The following SEPTIN4 variants were observed in gnomAD, a reference collection of about 807,000 sequenced individuals.
The protein encoded by SEPTIN4 is septin 4.
SEPTIN4 carries 52 observed loss-of-function variants against 107.1 expected under a neutral mutation model. The ratio of observed to expected loss-of-function variants is 0.49; its 90% CI spans 0.39 to 0.61. The LOEUF (loss-of-function observed/expected upper bound fraction) is 0.61. Among genes scored for constraint, SEPTIN4 ranks in the 20% least tolerant of loss-of-function variants. The pLI is 0.00. For synonymous variants in SEPTIN4, 417 were observed against 467.0 expected (o/e 0.89, Z 1.38); for missense variants, 1,048 against 1,243.5 (o/e 0.84, Z 2.36).
intron 3 of SEPTIN4, among the ~76,000 whole-genome samples, chr17:58,540,381 G>C (rs2043844431): frequency 6.6e-6 from 1 of 152,226 alleles, no homozygotes; most frequent in African/African-American, 2.4e-5. Context: ...AAAGGTCTCT[G>C]TTCTTTCTCG....
At chr17:58,540,790 AC>A in intron 2 of SEPTIN4, 117 bp from the exon 3 acceptor site, 1 of 1,112,482 alleles carries the variant, frequency 9.0e-7, no homozygotes. Flanking sequence ...ACTTGGGCAA[AC>A]CTGGCCCAAT....
chr17:58,528,012 T>C, intron 3 of SEPTIN4: 1 of 985,492 alleles, frequency 1.0e-6, no homozygotes, highest in Non-Finnish European at 1.2e-6. Context: ...CTCCTCTCCT[T>C]TGGGGGTCAG....
Position 58,521,306 on chromosome 17 carries a change from C to T in SEPTIN4, c.2616G>A (p.Glu872=). The T allele has an allele frequency of 3.1e-6, 5 of 1,614,216 alleles. No homozygotes were observed. The highest frequency in any genetic ancestry group is 4.2e-6 in the Non-Finnish European group (5 of 1,180,042). ...FAVIGSNTVV[E]ARGRRVRGRL... ...GACCCCGAACTCGCCGCCCTCTGGC[C>T]TCTACTACAGTGTTGCTGCCAATTA... is the stretch of plus-strand genomic sequence containing the variant. Residue 872 remains glutamate, a synonymous_variant, in exon 11 of 14, where the codon GAG becomes GAA. Transcript: ENST00000672673. The surrounding 1 kb of genome is among the most constrained non-coding windows in gnomAD (Gnocchi z 6.4).
intron 13 of SEPTIN4, 52 bp from the exon 14 acceptor site, chr17:58,520,537 T>G (rs760038892): frequency 5.0e-6 from 8 of 1,604,464 alleles, no homozygotes; most frequent in Middle Eastern, 1.8e-4. Context: ...TCCTTTAGTA[T>G]TGGGAAAGTG....
In SEPTIN4 at chr17:58,542,723, T is replaced by C. The variant is rs1567978867; in HGVS notation, c.1464A>G (p.Pro488=). Residue 488 remains proline, a synonymous_variant, in exon 1 of 14, where the codon CCA becomes CCG. Coordinates refer to ENST00000672673, the MANE Select transcript of SEPTIN4 (RefSeq NM_001368771.2). ...EKASLSPPSP[P]KEFPSWAPLS... is the part of the protein sequence containing the mutation. ...GTGGTGCCCAACTTGGAAACTCCTT[T>C]GGTGGTGATGGTGGTGATAGGCTTG... 2.5e-6 allele frequency: 4 copies of C among 1,613,998 alleles called. No homozygotes were observed. The highest frequency in any genetic ancestry group is 3.4e-6 in the Non-Finnish European group (4 of 1,179,994).
chr17:58,539,003 G>A (rs560457187), intron 3 of SEPTIN4: 50 of 599,340 alleles, frequency 8.3e-5, no homozygotes, highest in Non-Finnish European at 1.2e-4. Context: ...GCACCACAGC[G>A]TCTCCATCCT....
At chr17:58,541,870 C>G (rs1411711166) in intron 2 of SEPTIN4, 52 bp downstream of exon 2, 2 of 1,614,058 alleles carry the variant, frequency 1.2e-6, no homozygotes, top group Non-Finnish European at 1.7e-6. Flanking sequence ...CTCACCTGTC[C>G]TCCCATCCCC....
intron 6 of SEPTIN4, 55 bp downstream of exon 6, chr17:58,525,640 G>C (rs1431178408): frequency 9.4e-6 from 14 of 1,494,508 alleles, no homozygotes; most frequent in Non-Finnish European, 1.3e-5. Context: ...CCAGACTCTG[G>C]AGTGAGTTTA....
Position 58,528,092 on chromosome 17 carries a change from A to T in SEPTIN4, c.1615-1114T>A, listed in dbSNP as rs1243875796. 3 of 958,880 alleles carry T rather than the reference A, an allele frequency of 3.1e-6. No homozygotes were observed. The African/African-American group carries it at 5.3e-5, about 17-fold the overall frequency. 59.4% of individuals were successfully genotyped at this position (958,880 alleles called of 1,614,324 possible). On this transcript the variant is annotated intron_variant, in intron 3 of 13. Transcript: ENST00000672673. ...CACAATACCCACGTGCCACCCCCAGACAATGGACAAGGGCCGGCTGCAGAG... is the reference window on the plus strand; with the variant it reads ...CACAATACCCACGTGCCACCCCCAGTCAATGGACAAGGGCCGGCTGCAGAG...
chr17:58,526,643 C>G (rs527360503), intron 4 of SEPTIN4, 39 bp downstream of exon 4: 1 of 1,532,588 alleles, frequency 6.5e-7, no homozygotes, highest in South Asian at 1.3e-5. Flanking sequence ...CTTCCTGCAG[C>G]AGCCCACTGA....
Position 58,527,674 on chromosome 17 carries a change from G to A in SEPTIN4, c.1615-696C>T, listed in dbSNP as rs140282605. ...GGCCCTGGGAGAGAAGAGTAAACCCGCCAGTGGATGCTGACTGTGGGTGGG... is the reference window on the plus strand; with the variant it reads ...GGCCCTGGGAGAGAAGAGTAAACCCACCAGTGGATGCTGACTGTGGGTGGG... On this transcript the variant is annotated intron_variant, in intron 3 of 13. Coordinates refer to ENST00000672673, the MANE Select transcript of SEPTIN4 (RefSeq NM_001368771.2). The A allele has an allele frequency of 6.4e-3, 1,507 of 234,492 alleles. 10 individuals are homozygous for A. Among genetic ancestry groups the A allele is most frequent in the South Asian group, 0.023 (150 of 6,502 alleles). The allele number at this position is 234,492 out of a possible 1,614,324, so 14.5% of individuals were successfully genotyped here.
At chr17:58,524,747 T>C (rs935190837) in intron 7 of SEPTIN4, 17 of 217,484 alleles carry the variant, frequency 7.8e-5, no homozygotes, top group African/African-American at 4.0e-4. Context: ...TTAAAACTTT[T>C]TGTAGAGATG....
At chr17:58,533,810 T>C (rs562874772) in intron 3 of SEPTIN4, among the ~76,000 whole-genome samples, 139 of 152,332 alleles carry the variant, frequency 9.1e-4, no homozygotes, top group African/African-American at 3.2e-3. Context: ...TTCAAAGCCC[T>C]GGGCCTCCAA....
chr17:58,520,826 T>C lies in SEPTIN4; in HGVS notation c.2848A>G (p.Ser950Gly), dbSNP rs2042184262. 1 of 1,611,568 alleles carries C rather than the reference T, an allele frequency of 6.2e-7. No individual in the cohort carries two copies. The highest frequency in any genetic ancestry group is 8.5e-7 in the Non-Finnish European group (1 of 1,179,354). ...GCAGGGATGGGGAAGTCGGTACCAC[T>C]TTCCCGAGTCAGTTTGCTAAAGGGA... is the stretch of plus-strand genomic sequence containing the variant. ...ERNRNKLTRE[S>G]GTDFPIPAVP... is the part of the protein sequence containing the mutation. The change falls in exon 13 of 14, where the codon AGT becomes GGT. Residue 950 changes from serine to glycine, a missense_variant. Physicochemically the swap from Ser to Gly is moderately conservative, Grantham distance 56. Transcript: ENST00000672673.
Position 58,525,121 on chromosome 17 carries a change from C to A in SEPTIN4, c.2173G>T (p.Val725Leu), listed in dbSNP as rs1234386380. Reference protein sequence around the residue: ...EKGVRLRLTIVDTPGFGDAVN... With the variant: ...EKGVRLRLTILDTPGFGDAVN... ...GCATCCCCAAAACCTGGTGTGTCCACAATGGTGAGCCGCAGCCTCACACCC... is the reference window on the plus strand; with the variant it reads ...GCATCCCCAAAACCTGGTGTGTCCAAAATGGTGAGCCGCAGCCTCACACCC... Residue 725 changes from valine (V) to leucine (L), a missense_variant, in exon 7 of 14, where the codon GTG becomes TTG. Val to Leu is a conservative substitution (Grantham distance 32). This residue lies in a region of SEPTIN4 where 261 missense variants were observed against 371.7 expected (regional missense o/e 0.70). Transcript: ENST00000672673. 1 of 1,614,236 alleles carries A rather than the reference C, an allele frequency of 6.2e-7. No homozygotes were observed. Among genetic ancestry groups the A allele is most frequent in the South Asian group, 1.1e-5 (1 of 91,088 alleles).
intron 13 of SEPTIN4, 114 bp from the exon 14 acceptor site, chr17:58,520,599 T>G: frequency 6.6e-7 from 1 of 1,506,564 alleles, no homozygotes; most frequent in Non-Finnish European, 9.2e-7. Context: ...TGAGGTGTGA[T>G]GGAGACTCTG....
chr17:58,533,044 A>G (rs963289824), intron 3 of SEPTIN4, among the ~76,000 whole-genome samples: 2 of 152,074 alleles, frequency 1.3e-5, no homozygotes, highest in Non-Finnish European at 2.9e-5. Flanking sequence ...TCTGGACAAA[A>G]CTGAGACCCA....
chr17:58,538,077 A>G lies in SEPTIN4; in HGVS notation c.1614+2589T>C, dbSNP rs1048057994. 6.6e-6 allele frequency among the ~76,000 whole-genome samples: 1 copy of G among 152,224 alleles called. No homozygotes were observed. Among genetic ancestry groups the G allele is most frequent in the Non-Finnish European group, 1.5e-5 (1 of 68,028 alleles). The stretch of plus-strand genomic sequence containing the variant: ...ACCACTGCACTCCAACCTGGGCAAC[A>G]GAACACTTTAAAAAAAAGCGAGGGA... On this transcript the variant is annotated intron_variant, in intron 3 of 13. Coordinates refer to ENST00000672673, the MANE Select transcript of SEPTIN4 (RefSeq NM_001368771.2). This position sits in a 1 kb window ranked among gnomAD's most constrained non-coding sequence, Gnocchi z 4.7.
Position 58,529,911 on chromosome 17 carries a change from T to C in SEPTIN4, c.1615-2933A>G, listed in dbSNP as rs554428515. On this transcript the variant is annotated intron_variant, in intron 3 of 13. Coordinates refer to ENST00000672673, the MANE Select transcript of SEPTIN4 (RefSeq NM_001368771.2). ...GAAGACTTTGCTCCAGGGACTCCCC[T>C]TACCCTAGGACACCTGACCTCTGAC... The C allele has an allele frequency of 2.6e-5, 4 of 152,266 alleles. No individual in the cohort carries two copies. In the East Asian group the frequency reaches 7.7e-4, roughly 29 times the overall value. The allele number at this position is 152,266 out of a possible 1,614,324, so 9.4% of individuals were successfully genotyped here.
Sources: allele counts gnomAD v4.1 joint callset (sites outside exome capture counted in the v4.1 genomes callset), GRCh38; gene constraint gnomAD v4.1.1; regional missense constraint gnomAD v4.1.1; non-coding constraint Gnocchi (gnomAD v3.1); transcripts MANE v1.5; gene names NCBI Gene and HGNC (gene_info 2026-07-23, HGNC 2026-07-21).